EFTUD2: variants seen among roughly 807,000 people sequenced by gnomAD.
EFTUD2 encodes the protein elongation factor Tu GTP binding domain containing 2.
Under a neutral mutation model 114.3 loss-of-function variants are expected in EFTUD2, and 9 were observed. That is an observed-to-expected ratio of 0.08 (90% confidence interval 0.05 to 0.14). The LOEUF (loss-of-function observed/expected upper bound fraction) is 0.14, where lower values mean the gene tolerates loss of function less well. Among genes scored for constraint, EFTUD2 ranks in the 10% least tolerant of loss-of-function variants. EFTUD2 has a pLI of 1.00. For missense variants in EFTUD2, 765 were observed against 1,241.2 expected, an observed-to-expected ratio of 0.62 and a Z score of 5.76; for synonymous variants, 449 against 462.3, an observed-to-expected ratio of 0.97 and a Z score of 0.37.
At chr17:44,856,350 G>A (rs1169410140) in intron 20 of EFTUD2, among the ~76,000 whole-genome samples, 1 of 151,318 alleles carries the variant, frequency 6.6e-6, no homozygotes, top group East Asian at 2.0e-4. Context: ...GCAACATGGC[G>A]AAACCCCACC....
chr17:44,851,422 A>C, intron 27 of EFTUD2, 53 bp from the exon 28 acceptor site: 1 of 1,440,424 alleles, frequency 6.9e-7, no homozygotes, highest in Non-Finnish European at 9.7e-7. Flanking sequence ...CAGACTAAGC[A>C]AGGAGACTAT....
chr17:44,849,987 C>T lies in EFTUD2; in HGVS notation c.*1287G>A, dbSNP rs981757528. On this transcript the variant is annotated 3_prime_UTR_variant, in exon 28 of 28. Coordinates refer to ENST00000426333, the MANE Select transcript of EFTUD2 (RefSeq NM_004247.4). ...CTCTTGAGATTAAAAAGCAGACAGC[C>T]ACTTGCTAACTGTGTGACAGTGGAC... 8.9e-6 allele frequency: 2 copies of T among 225,266 alleles called. No homozygotes were observed. Among genetic ancestry groups the T allele is most frequent in the African/African-American group, 4.4e-5 (2 of 44,958 alleles). The allele number at this position is 225,266 out of a possible 1,614,324, so 14.0% of individuals were successfully genotyped here. A position where few individuals can be genotyped will look rare whatever the true frequency, so the allele number is the denominator to read the frequency against.
rs2050683188 is a variant in EFTUD2 at position 44,862,909 on chromosome 17, G to A, written c.1414-3C>T. The A allele has an allele frequency of 3.1e-6, 5 of 1,606,968 alleles. No homozygotes were observed. The highest frequency in any genetic ancestry group is 2.2e-5 in the East Asian group (1 of 44,666). ...GTAGTGTGGCACATCAGGGGGCCCT[G>A]GAAGAGGGGACAGGGTGCAGCTTCA... is the stretch of plus-strand genomic sequence containing the variant. On this transcript the variant is annotated splice_region_variant and splice_polypyrimidine_tract_variant and intron_variant, in intron 15 of 27. Coordinates refer to ENST00000426333, the MANE Select transcript of EFTUD2 (RefSeq NM_004247.4).
chr17:44,888,898 A>T (rs971812223), intron 2 of EFTUD2, among the ~76,000 whole-genome samples: 2 of 152,032 alleles, frequency 1.3e-5, no homozygotes, highest in African/African-American at 4.8e-5. Context: ...CATTCAAGGG[A>T]AAAGTCCAGA....
chr17:44,880,066 C>G (rs2051042870), intron 8 of EFTUD2, among the ~76,000 whole-genome samples: 1 of 152,172 alleles, frequency 6.6e-6, no homozygotes, highest in African/African-American at 2.4e-5. Context: ...CACTGGGCAT[C>G]AGATGGTGCC....
intron 5 of EFTUD2, 98 bp from the exon 6 acceptor site, chr17:44,883,256 G>C (rs1561970): frequency 9.0e-7 from 1 of 1,106,000 alleles, no homozygotes; most frequent in East Asian, 2.5e-5. Flanking sequence ...TAGGGATAAG[G>C]AGAGAAAAAG....
Position 44,850,059 on chromosome 17 carries a change from T to C in EFTUD2, c.*1215A>G. 1 of 349,288 alleles carries C rather than the reference T, an allele frequency of 2.9e-6. No individual in the cohort carries two copies. Among genetic ancestry groups the C allele is most frequent in the South Asian group, 6.2e-5 (1 of 16,034 alleles). 21.6% of individuals were successfully genotyped at this position (349,288 alleles called of 1,614,324 possible). A position where few individuals can be genotyped will look rare whatever the true frequency, so the allele number is the denominator to read the frequency against. ...AGTTTCCTGATGTGTAACATGACAA[T>C]AACCACCCCTGGCCTGCCTACCTTG... On this transcript the variant is annotated 3_prime_UTR_variant, in exon 28 of 28. Transcript: ENST00000426333.
chr17:44,859,083 G>A lies in EFTUD2; in HGVS notation c.1959C>T (p.Ile653=). The change falls in exon 19 of 28, where the codon ATC becomes ATT. Residue 653 remains isoleucine (I), a synonymous_variant. Transcript: ENST00000426333. The part of the protein sequence containing the change: ...DLRKMYSEID[I]KVADPVVTFC... ...CTCCCGGCAGATACTGCTGTACCTT[G>A]ATGTCTATCTCTGAGTACATCTTCC... is the stretch of plus-strand genomic sequence containing the variant. The A allele has an allele frequency of 6.2e-7, 1 of 1,607,360 alleles. No homozygotes were observed. The highest frequency in any genetic ancestry group is 8.5e-7 in the Non-Finnish European group (1 of 1,173,800).
At chr17:44,876,929 A>C (rs2050969882) in intron 9 of EFTUD2, among the ~76,000 whole-genome samples, 2 of 150,382 alleles carry the variant, frequency 1.3e-5, no homozygotes, top group South Asian at 4.2e-4. Context: ...GCAGTCACTC[A>C]CACCTGTAAT....
intron 9 of EFTUD2, among the ~76,000 whole-genome samples, chr17:44,878,231 A>C (rs2051004265): frequency 6.6e-6 from 1 of 152,240 alleles, no homozygotes; most frequent in Non-Finnish European, 1.5e-5. Context: ...TAGATGACAA[A>C]ACTAGTAGAT....
Position 44,853,404 on chromosome 17 carries a change from A to G in EFTUD2, c.2467-14T>C, listed in dbSNP as rs1342074529. ...ACGAGGAGTAGCCTGCAGCAGAGCAAGAAGAAAGGCCCCTCAGCTTGGGGA... is the reference window on the plus strand; with the variant it reads ...ACGAGGAGTAGCCTGCAGCAGAGCAGGAAGAAAGGCCCCTCAGCTTGGGGA... On this transcript the variant is annotated splice_polypyrimidine_tract_variant and intron_variant, in intron 24 of 27. Transcript: ENST00000426333. The G allele has an allele frequency of 6.2e-7, 1 of 1,613,996 alleles. No individual in the cohort carries two copies. Among genetic ancestry groups the G allele is most frequent in the Non-Finnish European group, 8.5e-7 (1 of 1,179,968 alleles).
In EFTUD2 at chr17:44,857,921, T is replaced by G. The variant is rs1005494682; in HGVS notation, c.1963-764A>C. ...TTGGGAGCCTTTATTTTCTTTTTCCTTTTTTTTTTTTTTTTTTTGAGACAG... is the reference window on the plus strand; with the variant it reads ...TTGGGAGCCTTTATTTTCTTTTTCCGTTTTTTTTTTTTTTTTTTGAGACAG... On this transcript the variant is annotated intron_variant, in intron 19 of 27. Transcript: ENST00000426333. Among the ~76,000 whole-genome samples the G allele has an allele frequency of 1.2e-4, 11 of 94,152 alleles. 1 individual carries two copies. Among genetic ancestry groups the G allele is most frequent in the Admixed American group, 9.6e-4 (10 of 10,468 alleles). 61.8% of individuals were successfully genotyped at this position (94,152 alleles called of 152,430 possible).
At chr17:44,879,758 C>T (rs1015607545) in intron 8 of EFTUD2, 120 bp from the exon 9 acceptor site, 1 of 937,266 alleles carries the variant, frequency 1.1e-6, no homozygotes, top group Non-Finnish European at 1.6e-6. Flanking sequence ...CTTTCCTCCT[C>T]GCCATAACCC....
At chr17:44,856,323 G>A (rs556812449) in intron 20 of EFTUD2, among the ~76,000 whole-genome samples, 34 of 151,496 alleles carry the variant, frequency 2.2e-4, no homozygotes, top group African/African-American at 7.8e-4. Context: ...GAGGTCAGGG[G>A]TTCGAGACCA....
rs762012195 is a variant in EFTUD2, at chr17:44,880,559, G to A, written c.614C>T (p.Thr205Ile). 3.1e-6 allele frequency: 5 copies of A among 1,613,074 alleles called. No homozygotes were observed. The highest frequency in any genetic ancestry group is 1.7e-5 in the Admixed American group (1 of 59,984). Residue 205 changes from threonine to isoleucine, a missense_variant, in exon 8 of 28, where the codon ACT becomes ATT. Physicochemically the swap from Thr to Ile is moderately conservative, Grantham distance 89. Transcript: ENST00000426333. Reference protein sequence around the residue: ...GKSYLFNIMDTPGHVNFSDEV... With the variant: ...GKSYLFNIMDIPGHVNFSDEV... Reference sequence around the variant, plus strand: ...AAAGCCAAAGGATGTCCTACCTGGAGTGTCCATGATATTGAAGAGATAAGA... The same window carrying A: ...AAAGCCAAAGGATGTCCTACCTGGAATGTCCATGATATTGAAGAGATAAGA...
rs1021896217 is a variant in EFTUD2, at chr17:44,850,611, G to A, written c.*663C>T. The A allele has an allele frequency of 1.0e-5, 5 of 488,666 alleles. No homozygotes were observed. Among genetic ancestry groups the A allele is most frequent in the Non-Finnish European group, 1.9e-5 (5 of 268,512 alleles). 30.3% of individuals were successfully genotyped at this position (488,666 alleles called of 1,614,324 possible). On this transcript the variant is annotated 3_prime_UTR_variant, in exon 28 of 28. Transcript: ENST00000426333. ...AGGGCAAGGAAGATTCTTAGGGGAG[G>A]CAGCAGTTTCCTGAGGAGGTGGTGG...
rs760970535 is a variant in EFTUD2 at position 44,886,595 on chromosome 17, C to A, written c.261G>T (p.Gln87His). ...VETIVQEEDT[Q>H]PLTEPIIKPV... ...GTCCTCCTGATGTACCTGTGAGAGG[C>A]TGAGTGTCTTCCTCTTGAACTATGG... Residue 87 changes from glutamine to histidine, a missense_variant, in exon 3 of 28, where the codon CAG becomes CAT. By Grantham distance (24) the Gln-to-His change is conservative (BLOSUM62 0). Coordinates refer to ENST00000426333, the MANE Select transcript of EFTUD2 (RefSeq NM_004247.4). 6.8e-6 allele frequency: 11 copies of A among 1,614,176 alleles called. No homozygotes were observed. Among genetic ancestry groups the A allele is most frequent in the Non-Finnish European group, 8.5e-6 (10 of 1,180,022 alleles).
Position 44,859,951 on chromosome 17 carries a change from T to C in EFTUD2, c.1814A>G (p.Asp605Gly). 5.0e-6 allele frequency: 8 copies of C among 1,614,174 alleles called. No individual in the cohort carries two copies. The highest frequency in any genetic ancestry group is 6.8e-6 in the Non-Finnish European group (8 of 1,180,036). Reference protein sequence around the residue: ...VNPSELPKMLDGLRKVNKSYP... With the variant: ...VNPSELPKMLGGLRKVNKSYP... ...GCTCTTGTTGACCTTGCGCAGGCCA[T>C]CAAGCATCTTGGGCAGCTCTGAGGG... Residue 605 changes from aspartate to glycine, a missense_variant, in exon 18 of 28, where the codon GAT becomes GGT. This residue lies in a region of EFTUD2 where 149 missense variants were observed against 245.1 expected (regional missense o/e 0.61). Transcript: ENST00000426333.
chr17:44,865,183 GGAGACAAA>G, intron 13 of EFTUD2, 118 bp from the exon 14 acceptor site: 1 of 1,412,692 alleles, frequency 7.1e-7, no homozygotes, highest in South Asian at 1.4e-5. Context: ...TCTCTTCTAT[GGAGACAAA>G]GCTCTTGGCA....
Sources: allele counts gnomAD v4.1 joint callset (sites outside exome capture counted in the v4.1 genomes callset), GRCh38; gene constraint gnomAD v4.1.1; regional missense constraint gnomAD v4.1.1; transcripts MANE v1.5; gene names NCBI Gene and HGNC (gene_info 2026-07-23, HGNC 2026-07-21).